CDH13: variants seen among roughly 807,000 people sequenced by gnomAD.
CDH13 encodes the protein cadherin 13, also known as cadherin-13.
A neutral mutation model predicts 63.8 loss-of-function variants in CDH13; 24 were observed. The observed-to-expected ratio is 0.38, with a 90% CI of 0.27 to 0.53. The LOEUF (loss-of-function observed/expected upper bound fraction) is 0.53, where lower values mean the gene tolerates loss of function less well. Ranked by LOEUF, CDH13 falls within the 20% of genes least tolerant of loss-of-function variation. The probability of loss-of-function intolerance (pLI) is 0.85; values close to 1 mark genes in which losing one functional copy is unlikely to be tolerated. For synonymous variants in CDH13, 503 were observed against 355.3 expected (o/e 1.42, Z -4.67); for missense variants, 1,049 against 903.1 (o/e 1.16, Z -2.07).
chr16:82,956,206 C>G (rs1392358663), intron 2 of CDH13, among the ~76,000 whole-genome samples: 3 of 152,102 alleles, frequency 2.0e-5, no homozygotes, highest in Non-Finnish European at 2.9e-5. Flanking sequence ...CTGTAGGCTT[C>G]TCTCACCTAC....
chr16:82,716,595 A>G (rs748738726), intron 1 of CDH13, among the ~76,000 whole-genome samples: 1 of 148,582 alleles, frequency 6.7e-6, no homozygotes. Flanking sequence ...AAGACTTCAT[A>G]CTAGATTAAT....
At chr16:82,935,108 T>C (rs965904198) in intron 2 of CDH13, among the ~76,000 whole-genome samples, 1 of 152,174 alleles carries the variant, frequency 6.6e-6, no homozygotes, top group African/African-American at 2.4e-5. Flanking sequence ...TAAAGTAAAG[T>C]GGTTTAATTG....
chr16:83,569,065 T>C (rs1403682624), intron 7 of CDH13, among the ~76,000 whole-genome samples: 1 of 151,998 alleles, frequency 6.6e-6, no homozygotes, highest in African/African-American at 2.4e-5. Context: ...TCTGGCCTCC[T>C]CTCCTTTCCC....
chr16:83,464,223 C>G (rs1208808381), intron 6 of CDH13, among the ~76,000 whole-genome samples: 1 of 152,010 alleles, frequency 6.6e-6, no homozygotes, highest in African/African-American at 2.4e-5. Flanking sequence ...CTATGTCCGG[C>G]TAAATTTTGC....
intron 1 of CDH13, among the ~76,000 whole-genome samples, chr16:82,747,049 G>C (rs1292630558): frequency 6.6e-6 from 1 of 152,164 alleles, no homozygotes; most frequent in Admixed American, 6.6e-5. Flanking sequence ...CATTTTCTAA[G>C]ACAATGTGAT....
At chr16:83,618,320 G>A (rs1377099765) in intron 8 of CDH13, among the ~76,000 whole-genome samples, 1 of 151,972 alleles carries the variant, frequency 6.6e-6, no homozygotes, top group African/African-American at 2.4e-5. Context: ...AGCTACTTAG[G>A]GGGCTGAGGC....
At chr16:82,750,240 C>T (rs1439409678) in intron 1 of CDH13, among the ~76,000 whole-genome samples, 1 of 152,100 alleles carries the variant, frequency 6.6e-6, no homozygotes, top group East Asian at 1.9e-4. Context: ...ATAAGAATAT[C>T]TTTATTGCTG....
At chr16:83,306,022 G>C (rs1006936166) in intron 5 of CDH13, among the ~76,000 whole-genome samples, 3 of 152,140 alleles carry the variant, frequency 2.0e-5, no homozygotes, top group African/African-American at 7.2e-5. Context: ...GTGCACTACA[G>C]AATATTCAGC....
At chr16:83,561,187 A>G (rs1230372035) in intron 7 of CDH13, among the ~76,000 whole-genome samples, 18 of 151,940 alleles carry the variant, frequency 1.2e-4, no homozygotes, top group Admixed American at 1.2e-3. Context: ...TGGCTCACAC[A>G]TATAATCCCA....
chr16:82,702,267 C>T (rs1178950153), intron 1 of CDH13, among the ~76,000 whole-genome samples: 3 of 152,172 alleles, frequency 2.0e-5, no homozygotes, highest in Non-Finnish European at 4.4e-5. Flanking sequence ...CTTAAACTTG[C>T]CCCTGCTCCT....
intron 6 of CDH13, among the ~76,000 whole-genome samples, chr16:83,484,194 A>C (rs1003788358): frequency 1.3e-5 from 2 of 152,214 alleles, no homozygotes; most frequent in Non-Finnish European, 2.9e-5. Context: ...GGGAAAAAAA[A>C]CTGGCTTTGA....
intron 2 of CDH13, among the ~76,000 whole-genome samples, chr16:83,000,225 T>TA (rs1567731508): frequency 8.3e-4 from 41 of 49,152 alleles, no homozygotes; most frequent in African/African-American, 4.0e-3. Context: ...TTTAGCTTAT[T>TA]TTTTTTTTTT....
At chr16:83,521,484 G>A (rs538593218) in intron 7 of CDH13, among the ~76,000 whole-genome samples, 68 of 152,304 alleles carry the variant, frequency 4.5e-4, no homozygotes, top group African/African-American at 1.6e-3. Flanking sequence ...CCAATACGGT[G>A]TCAACAACAG....
chr16:83,385,689 C>A (rs192154896), intron 6 of CDH13, among the ~76,000 whole-genome samples: 1 of 152,142 alleles, frequency 6.6e-6, no homozygotes, highest in Admixed American at 6.5e-5. Context: ...TGTTTTCAGT[C>A]CAGTGACCAA....
intron 3 of CDH13, among the ~76,000 whole-genome samples, chr16:83,059,576 G>A (rs962974092): frequency 1.3e-5 from 2 of 152,100 alleles, no homozygotes; most frequent in Non-Finnish European, 2.9e-5. Flanking sequence ...ATCATTCAGA[G>A]CAGGCACAAG....
chr16:83,545,201 G>A (rs1269832295), intron 7 of CDH13, among the ~76,000 whole-genome samples: 2 of 152,156 alleles, frequency 1.3e-5, no homozygotes, highest in Non-Finnish European at 2.9e-5. Context: ...TGACCCTTGG[G>A]TGGGAAGGTG....
intron 3 of CDH13, among the ~76,000 whole-genome samples, chr16:83,098,277 T>C (rs1313165876): frequency 6.6e-6 from 1 of 152,220 alleles, no homozygotes; most frequent in African/African-American, 2.4e-5. Flanking sequence ...AGTAAAACAC[T>C]TTCATTTTCT....
chr16:82,659,305 C>G (rs1038406775), intron 1 of CDH13, among the ~76,000 whole-genome samples: 1 of 151,346 alleles, frequency 6.6e-6, no homozygotes, highest in African/African-American at 2.4e-5. Context: ...GGTAGAAACA[C>G]GTAACTCATA....
intron 2 of CDH13, among the ~76,000 whole-genome samples, chr16:83,005,937 G>A (rs1913444311): frequency 1.3e-5 from 2 of 152,102 alleles, no homozygotes; most frequent in South Asian, 4.1e-4. Context: ...TTGGTTTTTT[G>A]GTTGGTTGGT....
Sources: gnomAD v4.1 joint callset for allele counts (sites outside exome capture counted in the v4.1 genomes callset) on GRCh38, gnomAD v4.1.1 for gene constraint, MANE v1.5 for transcripts, NCBI Gene and HGNC (gene_info 2026-07-23, HGNC 2026-07-21) for gene names.